TMEM39B: variants seen among roughly 807,000 people sequenced by gnomAD.
TMEM39B encodes transmembrane protein 39B.
In TMEM39B, 23 loss-of-function variants were observed where a neutral mutation model predicts 52.2. The ratio of observed to expected loss-of-function variants is 0.44; its 90% CI spans 0.32 to 0.62. The LOEUF (loss-of-function observed/expected upper bound fraction) is 0.62. Ranked by LOEUF, TMEM39B falls within the 20% of genes least tolerant of loss-of-function variation. The pLI is 0.06. For synonymous variants in TMEM39B, 285 were observed against 264.0 expected (o/e 1.08, Z -0.77); for missense variants, 547 against 642.0 (o/e 0.85, Z 1.60).
intron 5 of TMEM39B, among the ~76,000 whole-genome samples, chr1:32,084,377 C>T (rs1201836738): frequency 1.3e-5 from 2 of 152,068 alleles, no homozygotes; most frequent in Non-Finnish European, 2.9e-5. Context: ...CTTTGCTGCC[C>T]TCCTGGGTTG....
intron 5 of TMEM39B, among the ~76,000 whole-genome samples, chr1:32,083,141 A>G (rs892680480): frequency 2.2e-5 from 3 of 136,112 alleles, no homozygotes; most frequent in African/African-American, 8.5e-5. Context: ...TTGGTGTGCA[A>G]TGGCGCCATC....
At chr1:32,092,085 C>G in intron 6 of TMEM39B, 74 bp downstream of exon 6, 1 of 1,383,102 alleles carries the variant, frequency 7.2e-7, no homozygotes, top group Non-Finnish European at 9.9e-7. Flanking sequence ...TGTGAGTTCT[C>G]CTGCTGGCCT....
Position 32,092,028 on chromosome 1 carries a change from A to T in TMEM39B, c.927+17A>T. The T allele has an allele frequency of 6.2e-7, 1 of 1,603,864 alleles. No individual in the cohort carries two copies. Among genetic ancestry groups the T allele is most frequent in the Non-Finnish European group, 8.5e-7 (1 of 1,173,912 alleles). On this transcript the variant is annotated intron_variant, in intron 6 of 8. Transcript: ENST00000336294. ...TTCGTGAAGGTGCGTACCTCAAGCCAGGGAGGGAAAGGGACTAGCTGGGAC... is the reference window on the plus strand; with the variant it reads ...TTCGTGAAGGTGCGTACCTCAAGCCTGGGAGGGAAAGGGACTAGCTGGGAC...
intron 8 of TMEM39B, 23 bp downstream of exon 8, chr1:32,100,585 G>T: frequency 2.5e-6 from 4 of 1,614,106 alleles, no homozygotes; most frequent in Non-Finnish European, 3.4e-6. Context: ...CCCGGGGAAG[G>T]AGGGTTGGGG....
At chr1:32,092,195 C>G (rs1205481249) in intron 6 of TMEM39B, among the ~76,000 whole-genome samples, 184 bp downstream of exon 6, 1 of 152,164 alleles carries the variant, frequency 6.6e-6, no homozygotes, top group African/African-American at 2.4e-5. Flanking sequence ...CTTGCTCTGT[C>G]ACCTACACTG....
chr1:32,073,494 G>A, intron 1 of TMEM39B: 4 of 985,402 alleles, frequency 4.1e-6, no homozygotes, highest in Non-Finnish European at 4.9e-6. Context: ...GGGCTGAGAG[G>A]GCTTTTATTG....
In TMEM39B at chr1:32,102,753, GT is replaced by G. The variant is rs1246779090; in HGVS notation, c.*81del. On this transcript the variant is annotated 3_prime_UTR_variant, in exon 9 of 9. Coordinates refer to ENST00000336294, the MANE Select transcript of TMEM39B (RefSeq NM_018056.4). The stretch of plus-strand genomic sequence containing the variant: ...AAGGGGCTGTTGGGTAGAAGTGGTG[GT>G]GGGGGGGACAAAAGACAAAAAAATC... 5.8e-6 allele frequency: 8 copies of G among 1,380,812 alleles called. No homozygotes were observed. Among genetic ancestry groups the G allele is most frequent in the East Asian group, 2.6e-5 (1 of 38,488 alleles). 85.5% of individuals were successfully genotyped at this position (1,380,812 alleles called of 1,614,324 possible).
Position 32,091,901 on chromosome 1 carries a change from A to G in TMEM39B, c.817A>G (p.Ser273Gly), listed in dbSNP as rs1445397131. 5.0e-6 allele frequency: 8 copies of G among 1,614,206 alleles called. No homozygotes were observed. The highest frequency in any genetic ancestry group is 1.1e-5 in the South Asian group (1 of 91,086). The change falls in exon 6 of 9, where the codon AGT becomes GGT. Residue 273 changes from serine to glycine, a missense_variant. Transcript: ENST00000336294. ...CTGCCTGTCACCCAGCCTCATCCGC[A>G]GTGAGGTGGAGTTCCTCAAGATGGA... ...ACCLSPSLIR[S>G]EVEFLKMDFN... is the part of the protein sequence containing the mutation.
chr1:32,085,070 G>A (rs907427377), intron 5 of TMEM39B, among the ~76,000 whole-genome samples: 5 of 152,162 alleles, frequency 3.3e-5, no homozygotes, highest in South Asian at 4.1e-4. Context: ...AATTTCAAAG[G>A]ATGTGTCTGT....
intron 5 of TMEM39B, among the ~76,000 whole-genome samples, chr1:32,083,001 C>T (rs1191964035): frequency 4.6e-5 from 7 of 151,306 alleles, no homozygotes; most frequent in Admixed American, 4.6e-4. Flanking sequence ...GTCTCGATCT[C>T]CTGACCTCGT....
chr1:32,079,087 G>A (rs1040571832), intron 5 of TMEM39B, among the ~76,000 whole-genome samples: 16 of 150,928 alleles, frequency 1.1e-4, no homozygotes, highest in African/African-American at 3.4e-4. Flanking sequence ...TTAGAGATGA[G>A]GGTCTTGCTG....
At chr1:32,093,716 A>G (rs549279468) in intron 6 of TMEM39B, among the ~76,000 whole-genome samples, 20 of 143,294 alleles carry the variant, frequency 1.4e-4, no homozygotes, top group African/African-American at 5.2e-4. Flanking sequence ...CCGGCCCTTA[A>G]TGTCTTTTGA....
intron 5 of TMEM39B, among the ~76,000 whole-genome samples, chr1:32,084,807 C>A (rs1557427194): frequency 6.6e-6 from 1 of 152,026 alleles, no homozygotes; most frequent in Non-Finnish European, 1.5e-5. Flanking sequence ...ACCTCGTGAC[C>A]CACCCACCTC....
Position 32,077,209 on chromosome 1 carries a change from T to A in TMEM39B, c.481T>A (p.Phe161Ile). ...CTCCCTCTTTCGCTCCATCCTGCTGTTCCTCACTCGCTTCACCGTTCTCAC... is the reference window on the plus strand; with the variant it reads ...CTCCCTCTTTCGCTCCATCCTGCTGATCCTCACTCGCTTCACCGTTCTCAC... ...KVSLFRSILL[F>I]LTRFTVLTAT... Residue 161 changes from phenylalanine (F) to isoleucine (I), a missense_variant, in exon 5 of 9, where the codon TTC becomes ATC. Phe to Ile is a conservative substitution (Grantham distance 21). Transcript: ENST00000336294. 1 of 1,614,150 alleles carries A rather than the reference T, an allele frequency of 6.2e-7. No homozygotes were observed. Among genetic ancestry groups the A allele is most frequent in the African/African-American group, 1.3e-5 (1 of 75,030 alleles).
chr1:32,091,856 G>A lies in TMEM39B; in HGVS notation c.772G>A (p.Ala258Thr), dbSNP rs747563236. The change falls in exon 6 of 9, where the codon GCC becomes ACC. Residue 258 changes from alanine (A) to threonine (T), a missense_variant. Transcript: ENST00000336294. ...QHTRQLYGPD[A>T]MPTHACCLSP... Reference sequence around the variant, plus strand: ...CACAAGACAGCTGTATGGCCCGGACGCCATGCCCACCCATGCCTGCTGCCT... The same window carrying A: ...CACAAGACAGCTGTATGGCCCGGACACCATGCCCACCCATGCCTGCTGCCT... 7.4e-6 allele frequency: 12 copies of A among 1,614,196 alleles called. No homozygotes were observed. In the East Asian group the frequency reaches 1.6e-4, roughly 21 times the overall value.
At position 32,075,790 on chromosome 1, in the gene TMEM39B, C is replaced by A; in HGVS notation, c.319C>A (p.Pro107Thr). Residue 107 changes from proline to threonine, a missense_variant, in exon 3 of 9, where the codon CCA becomes ACA. Physicochemically the swap from Pro to Thr is conservative, Grantham distance 38. Transcript: ENST00000336294. ...CATCTACAAGACAGTGTGGTGGTAT[C>A]CACCTTCCCACCCACCCTCCCACAC... ...INIYKTVWWY[P>T]PSHPPSHTSL... is the part of the protein sequence containing the mutation. 6.5e-7 allele frequency: 1 copy of A among 1,531,748 alleles called. No homozygotes were observed. Among genetic ancestry groups the A allele is most frequent in the Non-Finnish European group, 8.8e-7 (1 of 1,133,114 alleles). The allele number at this position is 1,531,748 out of a possible 1,614,324, so 94.9% of individuals were successfully genotyped here. A position where few individuals can be genotyped will look rare whatever the true frequency, so the allele number is the denominator to read the frequency against.
At chr1:32,076,103 C>CTTTTTTT (rs1178215057) in intron 3 of TMEM39B, 58 of 76,256 alleles carry the variant, frequency 7.6e-4, no homozygotes, top group East Asian at 9.7e-4. Flanking sequence ...TTCTTTTCTT[C>CTTTTTTT]TTTTTTTTTT....
chr1:32,102,626 T>G lies in TMEM39B; in HGVS notation c.1432T>G (p.Ser478Ala), dbSNP rs917085732. The G allele has an allele frequency of 6.2e-7, 1 of 1,611,682 alleles. No individual in the cohort carries two copies. Among genetic ancestry groups the G allele is most frequent in the Admixed American group, 1.7e-5 (1 of 59,878 alleles). ...RDRLVLGKAY[S>A]YSASPQRDLD... is the part of the protein sequence containing the mutation. ...CCGCTTGGTATTGGGCAAGGCCTAC[T>G]CATACTCTGCTAGCCCCCAGAGAGA... Residue 478 changes from serine (S) to alanine (A), a missense_variant, in exon 9 of 9, where the codon TCA becomes GCA. Transcript: ENST00000336294.
intron 1 of TMEM39B, 60 bp downstream of exon 1, chr1:32,073,111 A>C: frequency 7.2e-7 from 1 of 1,393,146 alleles, no homozygotes; most frequent in Non-Finnish European, 9.4e-7. Flanking sequence ...TAGGATGGCC[A>C]GGCTGCTAAT....
Sources: allele counts gnomAD v4.1 joint callset (sites outside exome capture counted in the v4.1 genomes callset), GRCh38; gene constraint gnomAD v4.1.1; transcripts MANE v1.5; gene names NCBI Gene and HGNC (gene_info 2026-07-23, HGNC 2026-07-21).